The following ERC2 variants were observed in gnomAD, a reference collection of about 807,000 sequenced individuals.
The protein encoded by ERC2 is ERC protein 2.
ERC2 carries 42 observed loss-of-function variants against 114.8 expected under a neutral mutation model. The observed-to-expected ratio is 0.37, with a 90% CI of 0.29 to 0.47. ERC2 has a LOEUF of 0.47. ERC2 is among the 20% of genes least tolerant of loss of function. The pLI is 0.99. For missense variants in ERC2, 939 were observed against 1,150.7 expected, an observed-to-expected ratio of 0.82 and a Z score of 2.66; for synonymous variants, 454 against 425.5, an observed-to-expected ratio of 1.07 and a Z score of -0.82.
chr3:55,668,042 AT>A (rs1171205783), intron 17 of ERC2, among the ~76,000 whole-genome samples: 1 of 152,194 alleles, frequency 6.6e-6, no homozygotes, highest in Non-Finnish European at 1.5e-5. Flanking sequence ...ACCAAAAATG[AT>A]TCCAGAGATT....
intron 13 of ERC2, 129 bp downstream of exon 13, chr3:55,950,296 G>T: frequency 8.7e-7 from 1 of 1,150,880 alleles, no homozygotes. Context: ...TGGGTTCCCT[G>T]TTAGTGCTAG....
chr3:55,828,601 A>G (rs1408250506), intron 14 of ERC2, among the ~76,000 whole-genome samples: 2 of 152,008 alleles, frequency 1.3e-5, no homozygotes, highest in Non-Finnish European at 2.9e-5. Flanking sequence ...GAGGGAAAAG[A>G]GCTGAAGATG....
At chr3:56,388,222 G>A (rs2060003729) in intron 2 of ERC2, among the ~76,000 whole-genome samples, 2 of 152,156 alleles carry the variant, frequency 1.3e-5, no homozygotes, top group Non-Finnish European at 1.5e-5. Context: ...CGTAGGCCCT[G>A]GTGGGAGGTG....
At chr3:56,368,213 C>A (rs1314299033) in intron 2 of ERC2, among the ~76,000 whole-genome samples, 2 of 148,094 alleles carry the variant, frequency 1.4e-5, no homozygotes, top group Middle Eastern at 3.3e-3. Flanking sequence ...AAATGTAGAC[C>A]AGCTAAGATC....
chr3:55,722,554 C>G lies in ERC2; in HGVS notation c.2712+12217G>C, dbSNP rs2064638847. ...AGTATTTATTATCGTGCAACATGCCCTACATTTGATGTCTTTATTTTGTTT... is the reference window on the plus strand; with the variant it reads ...AGTATTTATTATCGTGCAACATGCCGTACATTTGATGTCTTTATTTTGTTT... On this transcript the variant is annotated intron_variant, in intron 15 of 17. Transcript: ENST00000288221. Among the ~76,000 whole-genome samples the G allele has an allele frequency of 2.0e-5, 3 of 152,246 alleles. No homozygotes were observed. The South Asian group carries it at 6.2e-4, about 32-fold the overall frequency.
rs755077717 is a variant in ERC2, at chr3:56,296,115, A to G, written c.978T>C (p.Asn326=). 1 of 1,613,956 alleles carries G rather than the reference A, an allele frequency of 6.2e-7. No individual in the cohort carries two copies. The highest frequency in any genetic ancestry group is 1.7e-5 in the Admixed American group (1 of 60,020). The change falls in exon 3 of 18, where the codon AAT becomes AAC. Residue 326 remains asparagine (N), a synonymous_variant. Coordinates refer to ENST00000288221, the MANE Select transcript of ERC2 (RefSeq NM_015576.3). The part of the protein sequence containing the change: ...GLPSKSLEDD[N]ERTRRMAEAE... ...CCTCTGCCATCCGCCGCGTTCGCTC[A>G]TTGTCATCCTCCAGGCTTTTGGATG...
rs529842938 is a variant in ERC2, at chr3:55,538,421, A to G, written c.*40-27145T>C. Among the ~76,000 whole-genome samples, 15 of 152,306 alleles carry G rather than the reference A, an allele frequency of 9.8e-5. No individual in the cohort carries two copies. In the South Asian group the frequency reaches 3.1e-3, roughly 32 times the overall value. ...AGCAATCACCATGACAACACCACAC[A>G]TCTCCAGCCTCAACTCGGATGCCGA... On this transcript the variant is annotated intron_variant, in intron 17 of 17. Coordinates refer to ENST00000288221, the MANE Select transcript of ERC2 (RefSeq NM_015576.3).
At chr3:55,700,652 G>GT (rs2063176390) in intron 15 of ERC2, among the ~76,000 whole-genome samples, 1 of 151,970 alleles carries the variant, frequency 6.6e-6, no homozygotes, top group Non-Finnish European at 1.5e-5. Context: ...TGCCTCCCTA[G>GT]CCCCCTTTCT....
chr3:56,415,974 T>C (rs2061137309), intron 2 of ERC2, among the ~76,000 whole-genome samples: 1 of 152,232 alleles, frequency 6.6e-6, no homozygotes, highest in African/African-American at 2.4e-5. Context: ...CAAAGCACTC[T>C]TAATTTTCCT....
intron 3 of ERC2, among the ~76,000 whole-genome samples, chr3:56,264,533 G>A (rs2053159981): frequency 1.3e-5 from 2 of 151,056 alleles, no homozygotes; most frequent in South Asian, 4.2e-4. Context: ...GGAGGCAGAG[G>A]TTGCAGTGAG....
intron 17 of ERC2, among the ~76,000 whole-genome samples, chr3:55,681,066 G>A (rs1365015426): frequency 6.6e-6 from 1 of 152,098 alleles, no homozygotes; most frequent in Non-Finnish European, 1.5e-5. Flanking sequence ...TGAGGTTTAA[G>A]AGGGGAAAGG....
At chr3:56,128,561 T>C (rs1198363692) in intron 6 of ERC2, among the ~76,000 whole-genome samples, 2 of 152,208 alleles carry the variant, frequency 1.3e-5, no homozygotes, top group Non-Finnish European at 2.9e-5. Context: ...ATGTTTAAAA[T>C]TGATATGTGT....
intron 6 of ERC2, among the ~76,000 whole-genome samples, chr3:56,128,567 T>C (rs972001977): frequency 2.6e-5 from 4 of 152,226 alleles, no homozygotes; most frequent in African/African-American, 7.2e-5. Context: ...AAAATTGATA[T>C]GTGTCCTTAC....
intron 12 of ERC2, among the ~76,000 whole-genome samples, chr3:55,951,059 G>C (rs190278716): frequency 6.6e-6 from 1 of 152,244 alleles, no homozygotes; most frequent in Admixed American, 6.5e-5. Context: ...AGAACAATGC[G>C]TGTAATTTCC....
intron 13 of ERC2, among the ~76,000 whole-genome samples, chr3:55,891,273 G>A (rs1559824977): frequency 6.6e-6 from 1 of 152,024 alleles, no homozygotes. Context: ...AGTTTCAGAT[G>A]ACATCATCTT....
At chr3:55,940,935 CAAAG>C (rs2066746230) in intron 13 of ERC2, among the ~76,000 whole-genome samples, 2 of 152,284 alleles carry the variant, frequency 1.3e-5, no homozygotes, top group South Asian at 4.2e-4. Context: ...AAAAGGCATG[CAAAG>C]AAACAGTTCC....
rs558898423 is a variant in ERC2, at chr3:56,056,879, G to C, written c.1641+23938C>G. Among the ~76,000 whole-genome samples, 2 of 152,226 alleles carry C rather than the reference G, an allele frequency of 1.3e-5. 1 individual carries two copies. The highest frequency in any genetic ancestry group is 4.1e-4 in the South Asian group (2 of 4,822). On this transcript the variant is annotated intron_variant, in intron 7 of 17. Transcript: ENST00000288221. Reference sequence around the variant, plus strand: ...TTCATTAGGCGCCAGTTATTGTACTGAGCTCTTTTCACTCATTCTCCATGA... The same window carrying C: ...TTCATTAGGCGCCAGTTATTGTACTCAGCTCTTTTCACTCATTCTCCATGA...
At chr3:56,381,194 T>C (rs1401451299) in intron 2 of ERC2, among the ~76,000 whole-genome samples, 5 of 152,226 alleles carry the variant, frequency 3.3e-5, no homozygotes, top group Non-Finnish European at 7.3e-5. Flanking sequence ...GGGGAATTTC[T>C]TCTTATAACT....
intron 14 of ERC2, chr3:55,852,623 A>G (rs1431414380): frequency 6.5e-6 from 1 of 152,906 alleles, no homozygotes; most frequent in Non-Finnish European, 1.5e-5. Flanking sequence ...AGAATTAATG[A>G]GGGTAAAGGT....
Sources: allele counts gnomAD v4.1 joint callset (sites outside exome capture counted in the v4.1 genomes callset), GRCh38; gene constraint gnomAD v4.1.1; transcripts MANE v1.5; gene names NCBI Gene and HGNC (gene_info 2026-07-23, HGNC 2026-07-21).